The following CAMSAP2 variants were observed in gnomAD, a reference collection of about 807,000 sequenced individuals.
CAMSAP2 encodes the protein calmodulin regulated spectrin associated protein family member 2, also known as calmodulin-regulated spectrin-associated protein 2.
A neutral mutation model predicts 146.1 loss-of-function variants in CAMSAP2; 26 were observed. That is an observed-to-expected ratio of 0.18 (90% CI 0.13 to 0.25). The LOEUF (loss-of-function observed/expected upper bound fraction) is 0.25. CAMSAP2 is among the 10% of genes least tolerant of loss of function. The pLI is 1.00. For missense variants in CAMSAP2, 1,381 were observed against 1,759.3 expected (o/e 0.78, Z 3.85); for synonymous variants, 499 against 596.6 (o/e 0.84, Z 2.38).
rs1259786739 is a variant in CAMSAP2 at position 200,816,837 on chromosome 1, TATGTGTGTACACACACACGC to T, written c.645+1194_645+1213del. On this transcript the variant is annotated intron_variant, in intron 4 of 16. Transcript: ENST00000358823. The stretch of plus-strand genomic sequence containing the variant: ...ATGTGTGTACACACACACGCGTGTG[TATGTGTGTACACACACACGC>T]GTGTGTATGTGTGTACACACACACG... Among the ~76,000 whole-genome samples the T allele has an allele frequency of 3.2e-5, 3 of 93,206 alleles. 1 individual carries two copies. Among genetic ancestry groups the T allele is most frequent in the Non-Finnish European group, 6.7e-5 (3 of 44,952 alleles). The allele number at this position is 93,206 out of a possible 152,430, so 61.1% of individuals were successfully genotyped here. A position where few individuals can be genotyped will look rare whatever the true frequency, so the allele number is the denominator to read the frequency against.
intron 14 of CAMSAP2, 152 bp downstream of exon 14, chr1:200,855,041 T>TCTTATCTTTGTATTACC (rs1553294911): frequency 6.5e-5 from 35 of 538,092 alleles, no homozygotes; most frequent in Non-Finnish European, 9.4e-5. Context: ...TTAGGACTGT[T>TCTTATCTTTGTATTACC]AGAGTTTCTG....
rs749958272 is a variant in CAMSAP2, at chr1:200,739,881, C to T, written c.54C>T (p.Ala18=). The T allele has an allele frequency of 1.9e-6, 3 of 1,614,206 alleles. No homozygotes were observed. The highest frequency in any genetic ancestry group is 1.7e-5 in the Admixed American group (1 of 60,028). Residue 18 remains alanine, a synonymous_variant, in exon 1 of 17, where the codon GCC becomes GCT. Coordinates refer to ENST00000358823, the MANE Select transcript of CAMSAP2 (RefSeq NM_203459.4). This position sits in a 1 kb window ranked among gnomAD's most constrained non-coding sequence, Gnocchi z 4.8. ...TGAGAAAGACGTTCATTGTTCCAGC[C>T]ATCAAGCCTTTTGACCACTATGATT... ...REMRKTFIVP[A]IKPFDHYDFS...
intron 3 of CAMSAP2, among the ~76,000 whole-genome samples, chr1:200,811,926 C>T (rs1666342968): frequency 6.6e-6 from 1 of 152,126 alleles, no homozygotes; most frequent in African/African-American, 2.4e-5. Context: ...AACCGTTGAA[C>T]CTCATGTTTC....
chr1:200,773,134 A>G (rs1051020632), intron 2 of CAMSAP2, among the ~76,000 whole-genome samples: 10 of 152,258 alleles, frequency 6.6e-5, no homozygotes, highest in Non-Finnish European at 1.2e-4. Flanking sequence ...AATTCAAAGT[A>G]ACAAAAGCTA....
At chr1:200,821,487 G>C (rs1666763009) in intron 4 of CAMSAP2, among the ~76,000 whole-genome samples, 1 of 151,836 alleles carries the variant, frequency 6.6e-6, no homozygotes, top group South Asian at 2.1e-4. Flanking sequence ...AGTCTTCTGT[G>C]GTCAATGCTA....
chr1:200,744,336 G>A (rs1424731747), intron 1 of CAMSAP2, among the ~76,000 whole-genome samples: 1 of 152,220 alleles, frequency 6.6e-6, no homozygotes, highest in African/African-American at 2.4e-5. Flanking sequence ...ATGTGTAAGA[G>A]GGTGAGGTCG....
intron 2 of CAMSAP2, among the ~76,000 whole-genome samples, chr1:200,804,794 A>G (rs559612084): frequency 6.6e-6 from 1 of 152,234 alleles, no homozygotes; most frequent in Non-Finnish European, 1.5e-5. Flanking sequence ...GAGGAGATTG[A>G]ATATGAAAAT....
intron 1 of CAMSAP2, among the ~76,000 whole-genome samples, chr1:200,752,745 T>C (rs1258549633): frequency 8.6e-5 from 13 of 151,954 alleles, no homozygotes; most frequent in Admixed American, 8.5e-4. Flanking sequence ...GCCTCCCAAG[T>C]AGCTGGGACT....
At chr1:200,845,282 T>A (rs1366805861) in intron 8 of CAMSAP2, among the ~76,000 whole-genome samples, 1 of 151,500 alleles carries the variant, frequency 6.6e-6, no homozygotes, top group African/African-American at 2.4e-5. Flanking sequence ...TTAGGATAGC[T>A]ATTGAGAGAT....
intron 12 of CAMSAP2, 47 bp downstream of exon 12, chr1:200,852,724 C>A (rs2102261869): frequency 6.4e-7 from 1 of 1,560,864 alleles, no homozygotes; most frequent in East Asian, 2.3e-5. Flanking sequence ...TTTAATGATG[C>A]ATGGGCATAT....
chr1:200,826,392 G>A (rs957472670), intron 4 of CAMSAP2, among the ~76,000 whole-genome samples: 1 of 151,110 alleles, frequency 6.6e-6, no homozygotes, highest in Non-Finnish European at 1.5e-5. Context: ...AGATAGCTCC[G>A]CTGCCCTCTA....
intron 4 of CAMSAP2, among the ~76,000 whole-genome samples, chr1:200,817,203 T>TATAC (rs1553288806): frequency 5.0e-5 from 5 of 99,752 alleles, no homozygotes; most frequent in South Asian, 3.2e-4. Flanking sequence ...TGTGTGTGTA[T>TATAC]ACACACATAC....
chr1:200,785,539 C>T (rs1665563480), intron 2 of CAMSAP2, among the ~76,000 whole-genome samples: 1 of 151,002 alleles, frequency 6.6e-6, no homozygotes, highest in Non-Finnish European at 1.5e-5. Flanking sequence ...CAGGTGTCCC[C>T]CCACCACACC....
intron 1 of CAMSAP2, among the ~76,000 whole-genome samples, chr1:200,750,160 A>C (rs186886197): frequency 1.2e-4 from 19 of 152,236 alleles, no homozygotes; most frequent in Non-Finnish European, 2.5e-4. Flanking sequence ...TTTGGAGTAA[A>C]TATAGTAATT....
intron 15 of CAMSAP2, 145 bp downstream of exon 15, chr1:200,856,270 G>A: frequency 1.6e-6 from 1 of 608,344 alleles, no homozygotes; most frequent in Non-Finnish European, 3.0e-6. Flanking sequence ...TCACTTTCAG[G>A]TAGTTCAGTA....
In CAMSAP2 at chr1:200,859,294, G is replaced by A. The variant is rs371989850; in HGVS notation, c.*1235G>A. ...TGTTGTGACAAATGTGTAAACTAGCGGGGGAAGACAGTATTGTATCATAAA... is the reference window on the plus strand; with the variant it reads ...TGTTGTGACAAATGTGTAAACTAGCAGGGGAAGACAGTATTGTATCATAAA... On this transcript the variant is annotated 3_prime_UTR_variant, in exon 17 of 17. Transcript: ENST00000358823. 13 of 152,668 alleles carry A rather than the reference G, an allele frequency of 8.5e-5. No individual in the cohort carries two copies. The East Asian group carries it at 9.4e-4, about 11-fold the overall frequency. The allele number at this position is 152,668 out of a possible 1,614,324, so 9.5% of individuals were successfully genotyped here. A position where few individuals can be genotyped will look rare whatever the true frequency, so the allele number is the denominator to read the frequency against.
intron 1 of CAMSAP2, among the ~76,000 whole-genome samples, chr1:200,752,117 TTTAAA>T (rs1664522905): frequency 6.6e-6 from 1 of 152,130 alleles, no homozygotes; most frequent in African/African-American, 2.4e-5. Flanking sequence ...TATCTTTCAC[TTTAAA>T]TTAAACATTA....
chr1:200,750,988 C>G (rs59324679), intron 1 of CAMSAP2, among the ~76,000 whole-genome samples: 14,780 of 145,488 alleles, frequency 0.1, 829 homozygotes, highest in East Asian at 0.17. Flanking sequence ...CTGCAATCTC[C>G]AACTCCCGGG....
chr1:200,753,058 A>G lies in CAMSAP2; in HGVS notation c.140-7781A>G, dbSNP rs185945237. Among the ~76,000 whole-genome samples, 670 of 151,994 alleles carry G rather than the reference A, an allele frequency of 4.4e-3. 7 individuals carry two copies. The highest frequency in any genetic ancestry group is 0.015 in the African/African-American group (636 of 41,484). On this transcript the variant is annotated intron_variant, in intron 1 of 16. Coordinates refer to ENST00000358823, the MANE Select transcript of CAMSAP2 (RefSeq NM_203459.4). ...CCCTGTAATCCCAGCACTTTGGAAG[A>G]TTGAGGTGGGCGGATCACTTGAGGT...
Sources: allele counts gnomAD v4.1 joint callset (sites outside exome capture counted in the v4.1 genomes callset), GRCh38; gene constraint gnomAD v4.1.1; non-coding constraint Gnocchi (gnomAD v3.1); transcripts MANE v1.5; gene names NCBI Gene and HGNC (gene_info 2026-07-23, HGNC 2026-07-21).